The following ZPBP variants were observed in gnomAD, a reference collection of about 807,000 sequenced individuals.
The protein encoded by ZPBP is zona pellucida-binding protein 1.
Under a neutral mutation model 44.8 loss-of-function variants are expected in ZPBP, and 26 were observed. The ratio of observed to expected loss-of-function variants is 0.58; its 90% CI spans 0.43 to 0.81. The LOEUF is 0.81. Among genes scored for constraint, ZPBP ranks in the 30% least tolerant of loss-of-function variants. The pLI is 0.00. For missense variants in ZPBP, 409 were observed against 434.0 expected (o/e 0.94, Z 0.51); for synonymous variants, 174 against 153.2 (o/e 1.14, Z -1.00).
intron 5 of ZPBP, among the ~76,000 whole-genome samples, chr7:50,025,573 G>T (rs1208920650): frequency 2.0e-5 from 3 of 151,694 alleles, no homozygotes; most frequent in Non-Finnish European, 4.4e-5. Context: ...TGACCAACTG[G>T]ATATCCACAT....
chr7:50,088,263 T>A (rs780893159), intron 2 of ZPBP, among the ~76,000 whole-genome samples: 12 of 152,042 alleles, frequency 7.9e-5, no homozygotes, highest in African/African-American at 2.4e-4. Context: ...TTGCACCATA[T>A]GCAAAAATTA....
chr7:50,089,380 A>C (rs1802832363), intron 2 of ZPBP, among the ~76,000 whole-genome samples: 1 of 152,076 alleles, frequency 6.6e-6, no homozygotes. Context: ...ATATAATAAA[A>C]ATCCACACAG....
Position 50,011,621 on chromosome 7 carries a change from A to T in ZPBP, c.783+6619T>A, listed in dbSNP as rs570068424. Among the ~76,000 whole-genome samples the T allele has an allele frequency of 1.3e-3, 199 of 152,328 alleles. 1 individual carries two copies. The highest frequency in any genetic ancestry group is 2.4e-3 in the Non-Finnish European group (166 of 68,018). ...GCAAGGCTAAATAGCATGTTGAATA[A>T]ATTCAGAAGGACTTAAAATATACAC... On this transcript the variant is annotated intron_variant, in intron 6 of 7. Coordinates refer to ENST00000046087, the MANE Select transcript of ZPBP (RefSeq NM_007009.3).
intron 2 of ZPBP, among the ~76,000 whole-genome samples, chr7:49,866,551 C>T (rs1297851409): frequency 1.3e-5 from 2 of 152,008 alleles, no homozygotes; most frequent in East Asian, 1.9e-4. Context: ...CTGAATCTTT[C>T]GAGTTCGGGC....
intron 7 of ZPBP, among the ~76,000 whole-genome samples, chr7:49,938,230 A>G (rs1252555334): frequency 1.3e-5 from 2 of 151,654 alleles, no homozygotes; most frequent in East Asian, 3.9e-4. Flanking sequence ...TTAGGTGGAA[A>G]GAGACTGCAT....
At chr7:49,964,687 T>C (rs1316574509) in intron 7 of ZPBP, among the ~76,000 whole-genome samples, 1 of 152,134 alleles carries the variant, frequency 6.6e-6, no homozygotes, top group Non-Finnish European at 1.5e-5. Context: ...AACTTTAACA[T>C]CTATATGGAA....
intron 2 of ZPBP, among the ~76,000 whole-genome samples, chr7:49,898,570 A>G (rs1169375405): frequency 6.6e-6 from 1 of 152,096 alleles, no homozygotes; most frequent in Admixed American, 6.5e-5. Flanking sequence ...AACACATTAC[A>G]TATGTATATA....
chr7:49,889,258 AT>A (rs1792029555), intron 2 of ZPBP, among the ~76,000 whole-genome samples: 1 of 152,130 alleles, frequency 6.6e-6, no homozygotes, highest in African/African-American at 2.4e-5. Flanking sequence ...TGGTGTTGCC[AT>A]TTTTCTGTTT....
At chr7:49,887,269 T>C (rs1189396634) in intron 2 of ZPBP, among the ~76,000 whole-genome samples, 1 of 152,218 alleles carries the variant, frequency 6.6e-6, no homozygotes, top group East Asian at 1.9e-4. Flanking sequence ...GTGTGATTCT[T>C]AGCAATTTCT....
In ZPBP at chr7:49,922,137, C is replaced by T. The variant is rs545397370; in HGVS notation, n.411+13614G>A. Reference sequence around the variant, plus strand: ...ACTCAAATATGTAACTTTTATTTCTCTTATTTAATGAAAGATGGACACTGC... The same window carrying T: ...ACTCAAATATGTAACTTTTATTTCTTTTATTTAATGAAAGATGGACACTGC... On this transcript the variant is annotated intron_variant and non_coding_transcript_variant, in intron 1 of 2. Transcript: ENST00000465922. 8.6e-4 allele frequency among the ~76,000 whole-genome samples: 131 copies of T among 152,136 alleles called. 5 individuals are homozygous for T. In the South Asian group the frequency reaches 0.026, roughly 30 times the overall value.
chr7:49,993,488 T>A (rs1252637954), intron 6 of ZPBP, among the ~76,000 whole-genome samples: 1 of 152,190 alleles, frequency 6.6e-6, no homozygotes, highest in Non-Finnish European at 1.5e-5. Flanking sequence ...GCAACTGGAT[T>A]GAAAAGCAGT....
At chr7:50,045,358 T>C (rs1028466739) in intron 4 of ZPBP, among the ~76,000 whole-genome samples, 18 of 152,276 alleles carry the variant, frequency 1.2e-4, no homozygotes, top group Admixed American at 7.2e-4. Context: ...GGAAGTCAAA[T>C]TGTCTCTGTT....
chr7:50,034,402 T>C (rs1372951446), intron 4 of ZPBP, among the ~76,000 whole-genome samples: 2 of 152,158 alleles, frequency 1.3e-5, no homozygotes, highest in Non-Finnish European at 2.9e-5. Context: ...CTTATGTATG[T>C]ACAGAAAGTT....
At position 49,926,580 on chromosome 7, in the gene ZPBP, C is replaced by G. The variant is rs60283249; in HGVS notation, n.411+9171G>C. On this transcript the variant is annotated intron_variant and non_coding_transcript_variant, in intron 1 of 2. Transcript: ENST00000465922. ...CACAAGCCATTCAGAAGGGTACCCT[C>G]TTTGCCCACGGGGTGGGCAGTGAAT... 6.1e-3 allele frequency among the ~76,000 whole-genome samples: 935 copies of G among 152,290 alleles called. 10 individuals carry two copies. The highest frequency in any genetic ancestry group is 0.022 in the African/African-American group (895 of 41,562).
At chr7:50,034,207 C>T (rs1799730367) in intron 4 of ZPBP, among the ~76,000 whole-genome samples, 1 of 150,986 alleles carries the variant, frequency 6.6e-6, no homozygotes, top group East Asian at 1.9e-4. Context: ...ATTATCTAGG[C>T]TGAGTCTTGA....
chr7:50,057,976 C>T lies in ZPBP; in HGVS notation c.487+13G>A, dbSNP rs1193601173. ...TTAAGAAAGGTTAAAACACAACTAA[C>T]TTTACTTCTTACCATATATAGCATA... On this transcript the variant is annotated intron_variant, in intron 4 of 7. Transcript: ENST00000046087. The T allele has an allele frequency of 6.2e-7, 1 of 1,603,514 alleles. No individual in the cohort carries two copies. Among genetic ancestry groups the T allele is most frequent in the Non-Finnish European group, 8.5e-7 (1 of 1,173,000 alleles).
At chr7:49,901,080 A>G (rs922668786) in intron 2 of ZPBP, 1 of 151,944 alleles carries the variant, frequency 6.6e-6, no homozygotes, top group Non-Finnish European at 1.5e-5. Context: ...TCAACTTGAT[A>G]AAGACTATTT....
At chr7:49,841,368 C>T in the ZPBP span, among the ~76,000 whole-genome samples, 42 of 150,992 alleles carry the variant, frequency 2.8e-4, no homozygotes, top group African/African-American at 1.0e-3. Flanking sequence ...GAACAGTCAG[C>T]TCAAAGTACT....
intron 7 of ZPBP, among the ~76,000 whole-genome samples, chr7:49,975,755 T>G (rs1300449032): frequency 6.6e-6 from 1 of 152,182 alleles, no homozygotes; most frequent in African/African-American, 2.4e-5. Context: ...ATTCCTTCAG[T>G]TAACAGGTCA....
Sources: allele counts gnomAD v4.1 joint callset (sites outside exome capture counted in the v4.1 genomes callset), GRCh38; gene constraint gnomAD v4.1.1; transcripts MANE v1.5; gene names NCBI Gene and HGNC (gene_info 2026-07-23, HGNC 2026-07-21).